Variants in MAS1 observed in about 807,000 individuals in gnomAD.
The protein encoded by MAS1 is MAS1 proto-oncogene, G protein-coupled receptor.
For missense variants in MAS1, 387 were observed against 409.7 expected (o/e 0.94, Z 0.48); for synonymous variants, 163 against 164.2 (o/e 0.99, Z 0.05).
In MAS1 at chr6:159,910,634, C is replaced by T. The variant is rs1281698326; in HGVS notation, c.*2701C>T. On this transcript the variant is annotated 3_prime_UTR_variant, in exon 3 of 3. Coordinates refer to ENST00000674077, the MANE Select transcript of MAS1 (RefSeq NM_002377.4). ...TGTTGGTCGAATCCACTGCACCCCT[C>T]TCTGGGCTGTTTCCTTTGTACATAT... The T allele has an allele frequency of 3.3e-5, 5 of 152,276 alleles. No individual in the cohort carries two copies. The highest frequency in any genetic ancestry group is 1.5e-5 in the Non-Finnish European group (1 of 68,092). 9.4% of individuals were successfully genotyped at this position (152,276 alleles called of 1,614,324 possible).
chr6:159,906,901 G>T lies in MAS1; in HGVS notation c.-36-19G>T. 2 of 1,508,012 alleles carry T rather than the reference G, an allele frequency of 1.3e-6. No individual in the cohort carries two copies. The highest frequency in any genetic ancestry group is 2.7e-5 in the South Asian group (2 of 74,524). 93.4% of individuals were successfully genotyped at this position (1,508,012 alleles called of 1,614,324 possible). A position where few individuals can be genotyped will look rare whatever the true frequency, so the allele number is the denominator to read the frequency against. On this transcript the variant is annotated intron_variant, in intron 2 of 2. Coordinates refer to ENST00000674077, the MANE Select transcript of MAS1 (RefSeq NM_002377.4). ...TTTCATGGCTTTTTGTGTTTGTTTT[G>T]TTCTGGACATATTTACAGAAAATTA...
chr6:159,901,598 A>T (rs1441914756), intron 2 of MAS1, among the ~76,000 whole-genome samples: 1 of 152,118 alleles, frequency 6.6e-6, no homozygotes, highest in African/African-American at 2.4e-5. Flanking sequence ...GACTATCTCT[A>T]AACTTTTTTT....
intron 2 of MAS1, among the ~76,000 whole-genome samples, chr6:159,905,256 G>T (rs556644699): frequency 6.6e-6 from 1 of 152,352 alleles, no homozygotes; most frequent in Admixed American, 6.5e-5. Flanking sequence ...TGGGGAACAT[G>T]GTGGTCTTAC....
chr6:159,894,065 G>A (rs1416874715), intron 1 of MAS1, among the ~76,000 whole-genome samples: 1 of 152,144 alleles, frequency 6.6e-6, no homozygotes, highest in East Asian at 1.9e-4. Context: ...GGACATTTGG[G>A]TATATGGGTC....
rs377418673 is a variant in MAS1, at chr6:159,908,216, C to T, written c.*283C>T. On this transcript the variant is annotated 3_prime_UTR_variant, in exon 3 of 3. Transcript: ENST00000674077. ...TTGCAGGAAGATTTACAGATGTGTA[C>T]GGGACAAGGTAACAAAACTATTTGT... 13 of 259,302 alleles carry T rather than the reference C, an allele frequency of 5.0e-5. No homozygotes were observed. The highest frequency in any genetic ancestry group is 2.0e-4 in the East Asian group (3 of 15,358). The allele number at this position is 259,302 out of a possible 1,614,324, so 16.1% of individuals were successfully genotyped here. A position where few individuals can be genotyped will look rare whatever the true frequency, so the allele number is the denominator to read the frequency against.
chr6:159,900,878 C>A (rs1465404104), intron 2 of MAS1, among the ~76,000 whole-genome samples: 1 of 152,148 alleles, frequency 6.6e-6, no homozygotes, highest in Admixed American at 6.5e-5. Context: ...AGGATAAGGT[C>A]CTGGTTTCAA....
rs1277314966 is a variant in MAS1, at chr6:159,894,193, A to G, written c.-244+3060A>G. The stretch of plus-strand genomic sequence containing the variant: ...CCCAAGGAGAGTCTGTGGAGTAGGA[A>G]GGGAAGAGGGTCGAGAACGGAGCCT... On this transcript the variant is annotated intron_variant, in intron 1 of 2. Coordinates refer to ENST00000674077, the MANE Select transcript of MAS1 (RefSeq NM_002377.4). 5.9e-5 allele frequency among the ~76,000 whole-genome samples: 9 copies of G among 152,114 alleles called. No homozygotes were observed. The East Asian group carries it at 1.7e-3, about 29-fold the overall frequency.
Position 159,899,175 on chromosome 6 carries a change from T to TA in MAS1, c.-243-11_-243-10insA, listed in dbSNP as rs1771118736. The TA allele has an allele frequency of 6.6e-6, 1 of 152,256 alleles. No homozygotes were observed. Among genetic ancestry groups the TA allele is most frequent in the South Asian group, 2.1e-4 (1 of 4,832 alleles). 9.4% of individuals were successfully genotyped at this position (152,256 alleles called of 1,614,324 possible). ...ATATTCTCACAGTCTAACTTATTTC[T>TA]TTCTCCCTAGACATCTCTTTCGTGA... On this transcript the variant is annotated splice_polypyrimidine_tract_variant and intron_variant, in intron 1 of 2. Coordinates refer to ENST00000674077, the MANE Select transcript of MAS1 (RefSeq NM_002377.4).
In MAS1 at chr6:159,898,489, A is replaced by ACTCCTCCTCCTC. The variant is rs780491597; in HGVS notation, c.-243-676_-243-665dup. Among the ~76,000 whole-genome samples, 4 of 125,100 alleles carry ACTCCTCCTCCTC rather than the reference A, an allele frequency of 3.2e-5. No homozygotes were observed. The East Asian group carries it at 1.0e-3, about 31-fold the overall frequency. The allele number at this position is 125,100 out of a possible 152,430, so 82.1% of individuals were successfully genotyped here. On this transcript the variant is annotated intron_variant, in intron 1 of 2. Coordinates refer to ENST00000674077, the MANE Select transcript of MAS1 (RefSeq NM_002377.4). ...GGTTTGGTAGAACAGTGATTTCCAG[A>ACTCCTCCTCCTC]CTCCTCCTCCTCCTCCTCCTCCTCC...
intron 2 of MAS1, among the ~76,000 whole-genome samples, chr6:159,906,058 T>G: frequency 6.6e-6 from 1 of 152,028 alleles, no homozygotes; most frequent in Non-Finnish European, 1.5e-5. Flanking sequence ...AAAAAGTTAT[T>G]TTGATCAACT....
intron 2 of MAS1, among the ~76,000 whole-genome samples, chr6:159,900,946 T>C (rs1318124508): frequency 6.6e-6 from 1 of 152,224 alleles, no homozygotes; most frequent in Non-Finnish European, 1.5e-5. Flanking sequence ...CAAAATACTA[T>C]GGACTGGGTG....
At chr6:159,890,257 A>G (rs1782681706), upstream of MAS1, among the ~76,000 whole-genome samples, 1 of 152,222 alleles carries the variant, frequency 6.6e-6, no homozygotes, top group Non-Finnish European at 1.5e-5. Context: ...AACAACAACA[A>G]CAACAAAAAC....
chr6:159,897,309 G>A (rs2115109820), intron 1 of MAS1, among the ~76,000 whole-genome samples: 1 of 152,278 alleles, frequency 6.6e-6, no homozygotes, highest in Admixed American at 6.5e-5. Flanking sequence ...TTTCTGGGTG[G>A]GATCACAGAA....
At chr6:159,889,475 G>A (rs367778081), upstream of MAS1, among the ~76,000 whole-genome samples, 9 of 152,166 alleles carry the variant, frequency 5.9e-5, no homozygotes, top group East Asian at 5.8e-4. Flanking sequence ...CATTTCCTTC[G>A]GGATCAATTC....
At chr6:159,893,801 A>T (rs1583210054) in intron 1 of MAS1, among the ~76,000 whole-genome samples, 1 of 152,290 alleles carries the variant, frequency 6.6e-6, no homozygotes, top group Middle Eastern at 3.4e-3. Context: ...CCATGCAATG[A>T]GCACATTTTA....
At chr6:159,906,043 A>G (rs1782881855) in intron 2 of MAS1, among the ~76,000 whole-genome samples, 1 of 152,148 alleles carries the variant, frequency 6.6e-6, no homozygotes, top group African/African-American at 2.4e-5. Flanking sequence ...TCTGTCTCAA[A>G]AAAAAAAAAG....
At chr6:159,899,097 C>T (rs1782794787) in intron 1 of MAS1, 89 bp from the exon 2 acceptor site, 2 of 152,188 alleles carry the variant, frequency 1.3e-5, no homozygotes, top group Admixed American at 1.3e-4. Flanking sequence ...TTTCAAGGCT[C>T]CAAAGCTAGG....
At chr6:159,902,358 C>G (rs759168711) in intron 2 of MAS1, 1 of 152,194 alleles carries the variant, frequency 6.6e-6, no homozygotes, top group African/African-American at 2.4e-5. Flanking sequence ...CCCCGAGTCA[C>G]ATGAGGCTCC....
chr6:159,904,735 G>A (rs1053886332), intron 2 of MAS1, among the ~76,000 whole-genome samples: 6 of 152,126 alleles, frequency 3.9e-5, no homozygotes, highest in African/African-American at 1.4e-4. Flanking sequence ...CTCACTGGGG[G>A]TAAAAGCACC....
Sources: gnomAD v4.1 joint callset for allele counts (sites outside exome capture counted in the v4.1 genomes callset) on GRCh38, gnomAD v4.1.1 for gene constraint, MANE v1.5 for transcripts, NCBI Gene and HGNC (gene_info 2026-07-23, HGNC 2026-07-21) for gene names.